The following LYPD6 variants were observed in gnomAD, a reference collection of about 807,000 sequenced individuals.
LYPD6 encodes the protein ly6/PLAUR domain-containing protein 6.
LYPD6 carries 15 observed loss-of-function variants against 22.7 expected under a neutral mutation model. The ratio of observed to expected loss-of-function variants is 0.66; its 90% confidence interval spans 0.44 to 1.02. The LOEUF is 1.02. Among genes scored for constraint, LYPD6 ranks in the 50% least tolerant of loss-of-function variants. The probability of loss-of-function intolerance (pLI) is 0.00; values close to 1 mark genes in which losing one functional copy is unlikely to be tolerated. For synonymous variants in LYPD6, 72 were observed against 77.5 expected, an observed-to-expected ratio of 0.93 and a Z score of 0.37; for missense variants, 189 against 208.4, an observed-to-expected ratio of 0.91 and a Z score of 0.57.
At chr2:149,377,547 A>G (rs1009349208) in intron 1 of LYPD6, among the ~76,000 whole-genome samples, 1 of 152,178 alleles carries the variant, frequency 6.6e-6, no homozygotes, top group Non-Finnish European at 1.5e-5. Context: ...TGGGAGGCCA[A>G]GGTGGGTGAA....
intron 1 of LYPD6, among the ~76,000 whole-genome samples, chr2:149,422,286 A>G (rs1440407226): frequency 1.3e-5 from 2 of 152,186 alleles, no homozygotes; most frequent in Non-Finnish European, 2.9e-5. Flanking sequence ...AGAGAGGTTA[A>G]GCAACCTTCC....
chr2:149,401,643 T>A (rs751227807), intron 1 of LYPD6, among the ~76,000 whole-genome samples: 4 of 152,232 alleles, frequency 2.6e-5, no homozygotes, highest in Non-Finnish European at 5.9e-5. Context: ...TGCTTGTAAG[T>A]GCCTTGAGAG....
chr2:149,480,155 A>C, the LYPD6 span, among the ~76,000 whole-genome samples: 1 of 151,960 alleles, frequency 6.6e-6, no homozygotes, highest in Non-Finnish European at 1.5e-5. Context: ...GATTACAGGC[A>C]TGCACCACCA....
chr2:149,396,738 C>G (rs1219619016), intron 1 of LYPD6, among the ~76,000 whole-genome samples: 1 of 152,148 alleles, frequency 6.6e-6, no homozygotes, highest in Non-Finnish European at 1.5e-5. Context: ...TTTAACTTAT[C>G]TGGGTCTCAG....
intron 3 of LYPD6, 124 bp downstream of exon 3, chr2:149,449,271 A>G (rs1184089433): frequency 3.1e-5 from 19 of 606,284 alleles, no homozygotes; most frequent in South Asian, 6.5e-5. Flanking sequence ...GTCTAAGGCT[A>G]TTAGATCTTT....
intron 3 of LYPD6, chr2:149,464,113 T>TAA (rs34341723): frequency 2.0e-3 from 707 of 358,522 alleles, no homozygotes; most frequent in South Asian, 4.3e-3. Context: ...TAGGTTAAAT[T>TAA]AAAAAAAAAA....
At chr2:149,460,433 G>C (rs1309438501) in intron 3 of LYPD6, among the ~76,000 whole-genome samples, 1 of 152,032 alleles carries the variant, frequency 6.6e-6, no homozygotes, top group African/African-American at 2.4e-5. Flanking sequence ...CCACTAAGAA[G>C]ATATAGCAAT....
intron 3 of LYPD6, among the ~76,000 whole-genome samples, chr2:149,460,205 G>A (rs1681057240): frequency 6.6e-6 from 1 of 151,944 alleles, no homozygotes; most frequent in Non-Finnish European, 1.5e-5. Flanking sequence ...AAATGTAAAT[G>A]GCATAAATAT....
At position 149,471,438 on chromosome 2, in the gene LYPD6, T is replaced by C. The variant is rs917903887; in HGVS notation, c.*588T>C. 2 of 152,208 alleles carry C rather than the reference T, an allele frequency of 1.3e-5. No homozygotes were observed. The highest frequency in any genetic ancestry group is 4.8e-5 in the African/African-American group (2 of 41,452). The allele number at this position is 152,208 out of a possible 1,614,324, so 9.4% of individuals were successfully genotyped here. A position where few individuals can be genotyped will look rare whatever the true frequency, so the allele number is the denominator to read the frequency against. On this transcript the variant is annotated 3_prime_UTR_variant, in exon 5 of 5. Coordinates refer to ENST00000334166, the MANE Select transcript of LYPD6 (RefSeq NM_194317.5). The stretch of plus-strand genomic sequence containing the variant: ...CTTCTCCCAGTGCTGGGAATCACAT[T>C]TCCTCTGTTCTGTGCAGAAGACAAA...
intron 1 of LYPD6, among the ~76,000 whole-genome samples, chr2:149,420,325 G>C (rs1351376932): frequency 2.6e-5 from 4 of 152,178 alleles, no homozygotes; most frequent in African/African-American, 9.6e-5. Context: ...GTCTGCAAAA[G>C]CTGTTCTTTT....
At chr2:149,352,412 T>A (rs1481401972) in intron 1 of LYPD6, among the ~76,000 whole-genome samples, 5 of 152,042 alleles carry the variant, frequency 3.3e-5, no homozygotes, top group Non-Finnish European at 5.9e-5. Context: ...GTTCAGGATA[T>A]GGAGATGTGA....
At chr2:149,434,394 G>A (rs16826970) in intron 1 of LYPD6, among the ~76,000 whole-genome samples, 42,489 of 151,962 alleles carry the variant, frequency 0.28, 7,462 homozygotes, top group African/African-American at 0.5. Flanking sequence ...TTGCTTTACT[G>A]TGTACTTTAC....
the LYPD6 span, among the ~76,000 whole-genome samples, chr2:149,481,877 T>C: frequency 6.6e-6 from 1 of 152,226 alleles, no homozygotes; most frequent in African/African-American, 2.4e-5. Context: ...ATAAATATAA[T>C]AAATGGTTAA....
intron 3 of LYPD6, among the ~76,000 whole-genome samples, chr2:149,456,069 C>T (rs1680951148): frequency 6.6e-6 from 1 of 152,142 alleles, no homozygotes; most frequent in Admixed American, 6.5e-5. Flanking sequence ...GAAAACACAT[C>T]TTTTTAAAAG....
intron 3 of LYPD6, among the ~76,000 whole-genome samples, chr2:149,466,820 C>T (rs1242102970): frequency 6.6e-6 from 1 of 151,828 alleles, no homozygotes; most frequent in Non-Finnish European, 1.5e-5. Context: ...AGCAGTAAAA[C>T]CTCTGGCAGC....
chr2:149,335,196 G>C (rs1322430295), intron 1 of LYPD6, among the ~76,000 whole-genome samples: 1 of 151,922 alleles, frequency 6.6e-6, no homozygotes, highest in African/African-American at 2.4e-5. Context: ...AGGTATTCCA[G>C]AAGAAAGCAT....
chr2:149,483,590 G>GTGAA, the LYPD6 span, among the ~76,000 whole-genome samples: 33 of 152,234 alleles, frequency 2.2e-4, no homozygotes, highest in African/African-American at 7.9e-4. Flanking sequence ...AATTGAGGAG[G>GTGAA]TGAATATATG....
intron 1 of LYPD6, among the ~76,000 whole-genome samples, chr2:149,409,320 T>TCC (rs1300283137): frequency 1.3e-5 from 2 of 152,170 alleles, no homozygotes; most frequent in Non-Finnish European, 2.9e-5. Context: ...AGGGGAGTGA[T>TCC]GTGGACTCTG....
chr2:149,391,198 G>T (rs1373449399), intron 1 of LYPD6, among the ~76,000 whole-genome samples: 1 of 152,190 alleles, frequency 6.6e-6, no homozygotes, highest in African/African-American at 2.4e-5. Context: ...TTATCTGCCA[G>T]ACGCTGACAT....
Sources: allele counts gnomAD v4.1 joint callset (sites outside exome capture counted in the v4.1 genomes callset), GRCh38; gene constraint gnomAD v4.1.1; transcripts MANE v1.5; gene names NCBI Gene and HGNC (gene_info 2026-07-23, HGNC 2026-07-21).